Variants in ANKRD30B observed in about 807,000 individuals in gnomAD.
The protein encoded by ANKRD30B is ankyrin repeat domain 30B.
ANKRD30B carries 144 observed loss-of-function variants against 202.2 expected under a neutral mutation model. The observed-to-expected ratio is 0.71, with a 90% confidence interval of 0.62 to 0.82. The LOEUF is 0.82. Ranked by LOEUF, ANKRD30B falls within the 40% of genes least tolerant of loss-of-function variation. The pLI is 0.00. For synonymous variants in ANKRD30B, 508 were observed against 561.3 expected, an observed-to-expected ratio of 0.91 and a Z score of 1.34; for missense variants, 1,487 against 1,669.1, an observed-to-expected ratio of 0.89 and a Z score of 1.90.
rs137951563 is a variant in ANKRD30B at position 14,828,073 on chromosome 18, G to A, written c.2744-205G>A. On this transcript the variant is annotated intron_variant, in intron 32 of 43. Transcript: ENST00000690538. ...ACCTTAATCATGCATGAAAGTGTGC[G>A]TGATTCTTTTAAGTTAAGTTGAAGT... 9.1e-3 allele frequency among the ~76,000 whole-genome samples: 1,389 copies of A among 152,256 alleles called. 12 individuals are homozygous for A. The highest frequency in any genetic ancestry group is 0.013 in the Non-Finnish European group (883 of 68,020).
rs1363813067 is a variant in ANKRD30B, at chr18:14,772,187, C to T, written c.1288C>T (p.Gln430Ter). Residue 430 changes from glutamine (Q) to a stop codon, truncating the protein, a stop_gained, in exon 9 of 44, where the codon CAG becomes TAG. Coordinates refer to ENST00000690538, the MANE Select transcript of ANKRD30B (RefSeq NM_001367607.2). LOFTEE classifies it high-confidence loss of function. ...TGGCACACGGACTATTGAAAATTCA[C>T]AGTGTACAAAAGTTGAGGAAGACTT... ...LFGTRTIENSQCTKVEEDFNL... is the reference protein window; with the variant it reads ...LFGTRTIENS The T allele has an allele frequency of 1.3e-6, 2 of 1,507,418 alleles. No homozygotes were observed. The highest frequency in any genetic ancestry group is 2.5e-5 in the East Asian group (1 of 39,918). 93.4% of individuals were successfully genotyped at this position (1,507,418 alleles called of 1,614,324 possible). A position where few individuals can be genotyped will look rare whatever the true frequency, so the allele number is the denominator to read the frequency against.
At chr18:14,800,339 G>A (rs1234269287) in intron 22 of ANKRD30B, among the ~76,000 whole-genome samples, 2 of 149,594 alleles carry the variant, frequency 1.3e-5, no homozygotes, top group South Asian at 2.1e-4. Flanking sequence ...ATGGCGTCTC[G>A]CTGTCTCGCC....
chr18:14,855,563 G>A (rs987019250), downstream of ANKRD30B, among the ~76,000 whole-genome samples: 3 of 151,434 alleles, frequency 2.0e-5, no homozygotes, highest in African/African-American at 7.3e-5. Flanking sequence ...GGGCAACCAG[G>A]CAAGAGGTGC....
At chr18:14,754,860 G>T in intron 3 of ANKRD30B, 39 bp from the exon 4 acceptor site, 1 of 1,363,074 alleles carries the variant, frequency 7.3e-7, no homozygotes, top group African/African-American at 1.5e-5. Flanking sequence ...TGAGAAATAT[G>T]TAATTTCATG....
the ANKRD30B span, among the ~76,000 whole-genome samples, chr18:14,907,631 T>C: frequency 6.6e-6 from 1 of 152,204 alleles, no homozygotes; most frequent in African/African-American, 2.4e-5. Context: ...AGCCCTTATG[T>C]GGGTCTTGGG....
At chr18:14,840,227 A>G (rs1423585778) in intron 36 of ANKRD30B, among the ~76,000 whole-genome samples, 2 of 152,208 alleles carry the variant, frequency 1.3e-5, no homozygotes, top group Non-Finnish European at 2.9e-5. Context: ...GCTTGTCATT[A>G]TTATTTTTAA....
the ANKRD30B span, among the ~76,000 whole-genome samples, chr18:14,899,532 T>C: frequency 1.6e-4 from 25 of 152,220 alleles, no homozygotes; most frequent in Middle Eastern, 3.4e-3. Flanking sequence ...TATTTGCAAA[T>C]AGTGCTCCAT....
intron 11 of ANKRD30B, among the ~76,000 whole-genome samples, chr18:14,781,777 C>T (rs2143858593): frequency 6.6e-6 from 1 of 152,248 alleles, no homozygotes; most frequent in African/African-American, 2.4e-5. Context: ...GTTCTGTGAA[C>T]AGTTGCCACT....
chr18:14,898,557 C>A, the ANKRD30B span, among the ~76,000 whole-genome samples: 75 of 152,228 alleles, frequency 4.9e-4, no homozygotes, highest in African/African-American at 1.7e-3. Flanking sequence ...ACTCCTGCCG[C>A]AAACTGGTAT....
At chr18:14,904,773 A>G in the ANKRD30B span, among the ~76,000 whole-genome samples, 1 of 152,216 alleles carries the variant, frequency 6.6e-6, no homozygotes, top group Non-Finnish European at 1.5e-5. Flanking sequence ...CTTGGTTTAT[A>G]CTTTTTATGG....
chr18:14,758,175 C>T lies in ANKRD30B; in HGVS notation c.755+223C>T, dbSNP rs536750490. On this transcript the variant is annotated intron_variant, in intron 5 of 43. Transcript: ENST00000690538. Reference sequence around the variant, plus strand: ...TGATTTGAAGTATAACCCCTAGGCTCGGGATAAACACAGTGTCACAATTTT... The same window carrying T: ...TGATTTGAAGTATAACCCCTAGGCTTGGGATAAACACAGTGTCACAATTTT... 4.6e-5 allele frequency among the ~76,000 whole-genome samples: 7 copies of T among 152,188 alleles called. No homozygotes were observed. In the South Asian group the frequency reaches 1.0e-3, roughly 23 times the overall value.
chr18:14,871,710 T>TAGCAAG, the ANKRD30B span, among the ~76,000 whole-genome samples: 2 of 151,696 alleles, frequency 1.3e-5, no homozygotes, highest in Non-Finnish European at 2.9e-5. Context: ...CTGGGTAACA[T>TAGCAAG]AGCAAGACCC....
rs557675157 is a variant in ANKRD30B, at chr18:14,764,042, A to G, written c.1177A>G (p.Met393Val). The change falls in exon 7 of 44, where the codon ATG (methionine) becomes GTG (valine). Residue 393 changes from methionine to valine, a missense_variant. By Grantham distance (21) the Met-to-Val change is conservative. Coordinates refer to ENST00000690538, the MANE Select transcript of ANKRD30B (RefSeq NM_001367607.2). ...AGTTTTGGAAAAAGGAACATCTAATATGATTGCATGTCCTACAAAAGAAAC... is the reference window on the plus strand; with the variant it reads ...AGTTTTGGAAAAAGGAACATCTAATGTGATTGCATGTCCTACAAAAGAAAC... ...TEVLEKGTSNMIACPTKETST... is the reference protein window; with the variant it reads ...TEVLEKGTSNVIACPTKETST... 3 of 1,561,146 alleles carry G rather than the reference A, an allele frequency of 1.9e-6. No individual in the cohort carries two copies. In the Admixed American group the frequency reaches 6.3e-5, roughly 33 times the overall value.
the ANKRD30B span, among the ~76,000 whole-genome samples, chr18:14,913,161 C>G: frequency 2.3e-4 from 35 of 152,356 alleles, no homozygotes; most frequent in Middle Eastern, 3.4e-3. Flanking sequence ...CTTTAATGCA[C>G]TATTTAGACT....
At chr18:14,816,639 T>C (rs1407654408) in intron 30 of ANKRD30B, 2 of 139,482 alleles carry the variant, frequency 1.4e-5, no homozygotes, top group Admixed American at 7.2e-5. Context: ...GGCCAGACTC[T>C]GTGAAAAAAA....
the ANKRD30B span, among the ~76,000 whole-genome samples, chr18:14,896,617 T>A: frequency 6.8e-6 from 1 of 147,708 alleles, no homozygotes; most frequent in Non-Finnish European, 1.5e-5. Flanking sequence ...TAATTACTAT[T>A]AAAAATGTCT....
the ANKRD30B span, among the ~76,000 whole-genome samples, chr18:14,918,656 G>GA: frequency 1.5e-4 from 23 of 152,038 alleles, no homozygotes; most frequent in South Asian, 2.1e-4. Flanking sequence ...CCCTCATCAA[G>GA]AAAAAAACTG....
At chr18:14,796,455 T>TAGTTTAATCTGTA in intron 18 of ANKRD30B, 40 bp downstream of exon 18, 1 of 1,508,464 alleles carries the variant, frequency 6.6e-7, no homozygotes, top group Non-Finnish European at 8.9e-7. Context: ...TAATTAAGAA[T>TAGTTTAATCTGTA]ATTAAACTAT....
intron 3 of ANKRD30B, among the ~76,000 whole-genome samples, chr18:14,754,127 G>C (rs1337481565): frequency 6.6e-6 from 1 of 152,110 alleles, no homozygotes; most frequent in African/African-American, 2.4e-5. Flanking sequence ...AGCAGTCAAA[G>C]TTCATTTGAA....
Sources: allele counts gnomAD v4.1 joint callset (sites outside exome capture counted in the v4.1 genomes callset), GRCh38; gene constraint gnomAD v4.1.1; transcripts MANE v1.5; gene names NCBI Gene and HGNC (gene_info 2026-07-23, HGNC 2026-07-21).